The following DCLK1 variants were observed in gnomAD, a reference collection of about 807,000 sequenced individuals.
DCLK1 encodes the protein doublecortin like kinase 1, also known as serine/threonine-protein kinase DCLK1.
DCLK1 carries 16 observed loss-of-function variants against 86.2 expected under a neutral mutation model. That is an observed-to-expected ratio of 0.19 (90% confidence interval 0.13 to 0.28). The LOEUF (loss-of-function observed/expected upper bound fraction) is 0.28, where lower values mean the gene tolerates loss of function less well. Ranked by LOEUF, DCLK1 falls within the 10% of genes least tolerant of loss-of-function variation. The pLI is 1.00. For missense variants in DCLK1, 590 were observed against 940.2 expected, an observed-to-expected ratio of 0.63 and a Z score of 4.87; for synonymous variants, 369 against 370.5, an observed-to-expected ratio of 1.00 and a Z score of 0.05.
At chr13:35,840,238 C>T (rs575631286) in intron 6 of DCLK1, among the ~76,000 whole-genome samples, 20 of 152,214 alleles carry the variant, frequency 1.3e-4, no homozygotes, top group African/African-American at 4.8e-4. Context: ...ACCCATTCAG[C>T]CTTAAAGTAT....
intron 2 of DCLK1, 107 bp downstream of exon 2, chr13:36,125,655 T>A: frequency 6.9e-7 from 1 of 1,457,156 alleles, no homozygotes; most frequent in Non-Finnish European, 9.1e-7. Flanking sequence ...ATCACAGCCA[T>A]AAGGCTGAAT....
intron 3 of DCLK1, among the ~76,000 whole-genome samples, chr13:36,061,111 G>A (rs1883529850): frequency 6.6e-6 from 1 of 152,122 alleles, no homozygotes; most frequent in South Asian, 2.1e-4. Context: ...CGATGATGGG[G>A]GAGTTGAGGG....
chr13:35,902,504 G>A (rs1363257571), intron 4 of DCLK1, among the ~76,000 whole-genome samples: 3 of 152,216 alleles, frequency 2.0e-5, no homozygotes, highest in Non-Finnish European at 4.4e-5. Flanking sequence ...TTTGCGGGCA[G>A]AAGCATTATC....
chr13:36,025,412 C>T, intron 3 of DCLK1, among the ~76,000 whole-genome samples: 1 of 152,146 alleles, frequency 6.6e-6, no homozygotes, highest in Non-Finnish European at 1.5e-5. Flanking sequence ...TATGGCCACA[C>T]AAAAACTTGT....
At chr13:36,000,847 T>G (rs1880681133) in intron 3 of DCLK1, among the ~76,000 whole-genome samples, 1 of 152,220 alleles carries the variant, frequency 6.6e-6, no homozygotes, top group African/African-American at 2.4e-5. Context: ...AAATACATGT[T>G]GGTTAATTGA....
rs1392844075 is a variant in DCLK1, at chr13:36,039,928, T to A, written c.723+71941A>T. On this transcript the variant is annotated intron_variant, in intron 3 of 16. Transcript: ENST00000360631. ...CAACTTTTCTTTTTAAATTTAAACT[T>A]AATTTTTTTTTTTTTTTAGATACAA... 4.6e-5 allele frequency among the ~76,000 whole-genome samples: 7 copies of A among 152,028 alleles called. No homozygotes were observed. The South Asian group carries it at 8.3e-4, about 18-fold the overall frequency.
At chr13:35,996,935 C>G (rs1424129407) in intron 3 of DCLK1, among the ~76,000 whole-genome samples, 36 of 152,210 alleles carry the variant, frequency 2.4e-4, no homozygotes, top group Admixed American at 2.4e-3. Context: ...ATTTTTAACA[C>G]TCTGATTCCT....
At position 35,797,214 on chromosome 13, in the gene DCLK1, C is replaced by T. The variant is rs144864493; in HGVS notation, c.1945-3735G>A. 4.4e-3 allele frequency among the ~76,000 whole-genome samples: 673 copies of T among 152,306 alleles called. 6 individuals carry two copies. Among genetic ancestry groups the T allele is most frequent in the African/African-American group, 0.015 (640 of 41,564 alleles). On this transcript the variant is annotated intron_variant, in intron 15 of 16. Transcript: ENST00000360631. The stretch of plus-strand genomic sequence containing the variant: ...ATATGGGGAAAGATAGCTGGGTTTT[C>T]GTAAGAGCAGCCCCTAATTAACTTA...
chr13:36,045,374 A>ATT (rs1302317939), intron 3 of DCLK1, among the ~76,000 whole-genome samples: 7 of 124,786 alleles, frequency 5.6e-5, no homozygotes, highest in Non-Finnish European at 6.9e-5. Context: ...ATATATATAT[A>ATT]TATTTCAAGG....
intron 6 of DCLK1, chr13:35,847,623 A>AAAGAAAGAAAG: frequency 6.2e-6 from 4 of 649,870 alleles, no homozygotes; most frequent in Non-Finnish European, 7.6e-6. Flanking sequence ...TTAAGCAAAA[A>AAAGAAAGAAAG]AAAGAAAGAA....
chr13:35,792,278 C>T (rs1221962280), intron 16 of DCLK1, among the ~76,000 whole-genome samples: 1 of 152,056 alleles, frequency 6.6e-6, no homozygotes. Flanking sequence ...GCATTCGTAC[C>T]ATTTGCAAAT....
Position 36,126,045 on chromosome 13 carries a change from C to T in DCLK1, c.93G>A (p.Pro31=), listed in dbSNP as rs1304828842. The T allele has an allele frequency of 1.2e-5, 20 of 1,613,576 alleles. No homozygotes were observed. The highest frequency in any genetic ancestry group is 2.2e-5 in the East Asian group (1 of 44,874). Residue 31 remains proline (P), a synonymous_variant, in exon 2 of 17, where the codon CCG becomes CCA. Transcript: ENST00000360631. ...YSRGSRVNGL[P]SPTHSAHCSF... ...TGCAGTGGGCGCTGTGCGTCGGGCTCGGCAGGCCGTTCACCCGCGACCCTC... is the reference window on the plus strand; with the variant it reads ...TGCAGTGGGCGCTGTGCGTCGGGCTTGGCAGGCCGTTCACCCGCGACCCTC...
intron 4 of DCLK1, among the ~76,000 whole-genome samples, chr13:35,881,070 C>T (rs1250175477): frequency 1.3e-5 from 2 of 152,178 alleles, no homozygotes; most frequent in African/African-American, 2.4e-5. Flanking sequence ...CAAAACACAA[C>T]TCTGGCTCAC....
chr13:36,126,037 G>C lies in DCLK1; in HGVS notation c.101C>G (p.Thr34Arg). 6.2e-7 allele frequency: 1 copy of C among 1,613,780 alleles called. No individual in the cohort carries two copies. The highest frequency in any genetic ancestry group is 8.5e-7 in the Non-Finnish European group (1 of 1,180,018). The change falls in exon 2 of 17, where the codon ACG becomes AGG. Residue 34 changes from threonine (T) to arginine (R), a missense_variant. Thr to Arg is a moderately conservative substitution (Grantham distance 71, BLOSUM62 -1). This residue lies in a region of DCLK1 where 50 missense variants were observed against 47.8 expected (regional missense o/e 1.05). Transcript: ENST00000360631. ...GTAGAAGCTGCAGTGGGCGCTGTGC[G>C]TCGGGCTCGGCAGGCCGTTCACCCG... ...GSRVNGLPSP[T>R]HSAHCSFYRT...
At chr13:35,887,406 G>A (rs747758596) in intron 4 of DCLK1, among the ~76,000 whole-genome samples, 7 of 152,180 alleles carry the variant, frequency 4.6e-5, no homozygotes, top group African/African-American at 9.7e-5. Context: ...CAACATATCT[G>A]CCATCATATA....
chr13:35,940,024 T>C (rs1267295973), intron 4 of DCLK1, among the ~76,000 whole-genome samples: 2 of 152,092 alleles, frequency 1.3e-5, no homozygotes, highest in Non-Finnish European at 2.9e-5. Flanking sequence ...TCTGTATGGA[T>C]AGCCTGGCCA....
chr13:35,966,426 C>T (rs1324778213), intron 3 of DCLK1, among the ~76,000 whole-genome samples: 2 of 151,962 alleles, frequency 1.3e-5, no homozygotes, highest in African/African-American at 4.8e-5. Flanking sequence ...CAAAATATGA[C>T]ATAACCATAA....
At chr13:35,943,235 G>T (rs998531709) in intron 4 of DCLK1, among the ~76,000 whole-genome samples, 1 of 152,158 alleles carries the variant, frequency 6.6e-6, no homozygotes, top group Non-Finnish European at 1.5e-5. Flanking sequence ...TGATGATGCT[G>T]CCACAAGCCA....
chr13:35,981,585 T>A (rs894785811), intron 3 of DCLK1, among the ~76,000 whole-genome samples: 3 of 152,210 alleles, frequency 2.0e-5, no homozygotes, highest in African/African-American at 7.2e-5. Context: ...TAGAGTATCA[T>A]ACAGAGTAGC....
Sources: gnomAD v4.1 joint callset for allele counts (sites outside exome capture counted in the v4.1 genomes callset) on GRCh38, gnomAD v4.1.1 for gene constraint, gnomAD v4.1.1 regional missense constraint, MANE v1.5 for transcripts, NCBI Gene and HGNC (gene_info 2026-07-23, HGNC 2026-07-21) for gene names.